The following HS3ST2 variants were observed in gnomAD, a reference collection of about 807,000 sequenced individuals.
The protein encoded by HS3ST2 is heparan sulfate-glucosamine 3-sulfotransferase 2, also known as heparan sulfate glucosamine 3-O-sulfotransferase 2.
In HS3ST2, 17 loss-of-function variants were observed where a neutral mutation model predicts 26.3. The observed-to-expected ratio is 0.65, with a 90% CI of 0.44 to 0.97. HS3ST2 has a LOEUF of 0.97. HS3ST2 is among the 50% of genes least tolerant of loss of function. The pLI is 0.00. For missense variants in HS3ST2, 402 were observed against 501.2 expected (o/e 0.80, Z 1.89); for synonymous variants, 237 against 219.2 (o/e 1.08, Z -0.72).
At chr16:22,821,908 C>T (rs943113146) in intron 1 of HS3ST2, among the ~76,000 whole-genome samples, 1 of 152,184 alleles carries the variant, frequency 6.6e-6, no homozygotes, top group African/African-American at 2.4e-5. Context: ...GCCGGAGCAT[C>T]ACGTGGATTT....
chr16:22,884,013 AG>A, intron 1 of HS3ST2, among the ~76,000 whole-genome samples: 1 of 152,184 alleles, frequency 6.6e-6, no homozygotes, highest in Non-Finnish European at 1.5e-5. Context: ...TGCCCCACTG[AG>A]GATAAAGGCT....
intron 1 of HS3ST2, among the ~76,000 whole-genome samples, chr16:22,835,550 G>T (rs1050505834): frequency 6.6e-6 from 1 of 152,122 alleles, no homozygotes; most frequent in Admixed American, 6.6e-5. Context: ...CCTACTGTCT[G>T]ACTACCCTGT....
intron 1 of HS3ST2, among the ~76,000 whole-genome samples, chr16:22,909,111 C>T (rs1902389952): frequency 6.6e-6 from 1 of 152,140 alleles, no homozygotes; most frequent in Non-Finnish European, 1.5e-5. Flanking sequence ...CTTTATGACA[C>T]CTTTTTAGTC....
chr16:22,910,554 A>G (rs1272318718), intron 1 of HS3ST2, among the ~76,000 whole-genome samples: 1 of 152,240 alleles, frequency 6.6e-6, no homozygotes, highest in East Asian at 1.9e-4. Context: ...AATGCAAACA[A>G]TGTACTCAAT....
At chr16:22,881,738 G>C (rs969346418) in intron 1 of HS3ST2, among the ~76,000 whole-genome samples, 2 of 152,192 alleles carry the variant, frequency 1.3e-5, no homozygotes, top group Non-Finnish European at 2.9e-5. Context: ...AGGCTCGTAG[G>C]TTACTTTAAT....
At chr16:22,911,115 A>G (rs1274575531) in intron 1 of HS3ST2, among the ~76,000 whole-genome samples, 4 of 152,240 alleles carry the variant, frequency 2.6e-5, no homozygotes, top group African/African-American at 7.2e-5. Flanking sequence ...TGAGGGTTCA[A>G]TGGAAGCTAG....
intron 1 of HS3ST2, among the ~76,000 whole-genome samples, chr16:22,914,148 A>G (rs916203932): frequency 6.6e-6 from 1 of 152,082 alleles, no homozygotes; most frequent in African/African-American, 2.4e-5. Flanking sequence ...TCTCTTAAAA[A>G]AAAAAAAAGC....
At chr16:22,906,729 C>G (rs894709326) in intron 1 of HS3ST2, among the ~76,000 whole-genome samples, 3 of 152,196 alleles carry the variant, frequency 2.0e-5, no homozygotes, top group Non-Finnish European at 4.4e-5. Context: ...AATTTCCCTC[C>G]AGTACTAGCT....
Position 22,837,564 on chromosome 16 carries a change from T to C in HS3ST2, c.485+22469T>C, listed in dbSNP as rs922037114. Among the ~76,000 whole-genome samples the C allele has an allele frequency of 2.2e-5, 3 of 136,178 alleles. No individual in the cohort carries two copies. The Admixed American group carries it at 2.3e-4, about 10-fold the overall frequency. 89.3% of individuals were successfully genotyped at this position (136,178 alleles called of 152,430 possible). ...ATATATGTATATATATGTATATATA[T>C]ACATATATATATATACACACACACA... On this transcript the variant is annotated intron_variant, in intron 1 of 1. Transcript: ENST00000261374.
chr16:22,883,261 C>T (rs1221523827), intron 1 of HS3ST2, among the ~76,000 whole-genome samples: 1 of 152,180 alleles, frequency 6.6e-6, no homozygotes, highest in East Asian at 1.9e-4. Flanking sequence ...TATCAGACAA[C>T]TATTGTCCAT....
chr16:22,885,656 G>C (rs190375809), intron 1 of HS3ST2, among the ~76,000 whole-genome samples: 1 of 151,508 alleles, frequency 6.6e-6, no homozygotes, highest in South Asian at 2.1e-4. Flanking sequence ...GGCCTTCACC[G>C]TGTTGGCCAG....
intron 1 of HS3ST2, among the ~76,000 whole-genome samples, chr16:22,861,298 C>T (rs1178272793): frequency 6.6e-6 from 1 of 151,958 alleles, no homozygotes; most frequent in Non-Finnish European, 1.5e-5. Flanking sequence ...CTTGTGGGCC[C>T]ATCTCTCTAC....
intron 1 of HS3ST2, among the ~76,000 whole-genome samples, chr16:22,875,602 C>T (rs977169659): frequency 4.6e-5 from 7 of 152,030 alleles, no homozygotes; most frequent in African/African-American, 4.8e-5. Context: ...AGGATGGTCT[C>T]GATCTCCTGA....
At chr16:22,864,882 C>CAAAA (rs34942780) in intron 1 of HS3ST2, among the ~76,000 whole-genome samples, 10 of 57,150 alleles carry the variant, frequency 1.7e-4, no homozygotes, top group Middle Eastern at 0.012. Flanking sequence ...CCTGTCTCCA[C>CAAAA]AAAAAAAAAA....
rs556578449 is a variant in HS3ST2 at position 22,863,470 on chromosome 16, C to T, written c.485+48375C>T. On this transcript the variant is annotated intron_variant, in intron 1 of 1. Transcript: ENST00000261374. ...ATTTTAGATTCAGGAGGTGCACGTACAGGTTTGTTACCTGGGTATATTGTG... is the reference window on the plus strand; with the variant it reads ...ATTTTAGATTCAGGAGGTGCACGTATAGGTTTGTTACCTGGGTATATTGTG... Among the ~76,000 whole-genome samples, 3 of 152,306 alleles carry T rather than the reference C, an allele frequency of 2.0e-5. No individual in the cohort carries two copies. The South Asian group carries it at 6.2e-4, about 32-fold the overall frequency.
intron 1 of HS3ST2, among the ~76,000 whole-genome samples, chr16:22,837,123 T>TG (rs1398300533): frequency 6.6e-6 from 1 of 151,488 alleles, no homozygotes; most frequent in Non-Finnish European, 1.5e-5. Flanking sequence ...TATACAGTTT[T>TG]TTTTTTTTCC....
At position 22,814,825 on chromosome 16, in the gene HS3ST2, C is replaced by G; in HGVS notation, c.215C>G (p.Pro72Arg). The change falls in exon 1 of 2, where the codon CCC becomes CGC. Residue 72 changes from proline (P) to arginine (R), a missense_variant. Pro to Arg is a moderately radical substitution (Grantham distance 103, BLOSUM62 -2). Coordinates refer to ENST00000261374, the MANE Select transcript of HS3ST2 (RefSeq NM_006043.2). ...CAGAAACTTCTCCAGAAGTCCCGCC[C>G]CTGTGATCCCTCCGGGCCGACGCCC... is the stretch of plus-strand genomic sequence containing the variant. The part of the protein sequence containing the change: ...GGQKLLQKSR[P>R]CDPSGPTPSE... 1 of 1,576,726 alleles carries G rather than the reference C, an allele frequency of 6.3e-7. No homozygotes were observed. The highest frequency in any genetic ancestry group is 8.6e-7 in the Non-Finnish European group (1 of 1,162,182).
rs563209648 is a variant in HS3ST2 at position 22,843,621 on chromosome 16, G to T, written c.485+28526G>T. On this transcript the variant is annotated intron_variant, in intron 1 of 1. Coordinates refer to ENST00000261374, the MANE Select transcript of HS3ST2 (RefSeq NM_006043.2). The stretch of plus-strand genomic sequence containing the variant: ...GATATACACAGGGTGAGGTCTGGAA[G>T]GGTCCCGAGTGGATGAGCTCTGTCT... Among the ~76,000 whole-genome samples the T allele has an allele frequency of 8.6e-4, 131 of 152,342 alleles. 3 individuals are homozygous for T. The Middle Eastern group carries it at 0.034, about 40-fold the overall frequency.
intron 1 of HS3ST2, among the ~76,000 whole-genome samples, chr16:22,912,394 G>A (rs1041471128): frequency 6.6e-6 from 1 of 152,210 alleles, no homozygotes; most frequent in African/African-American, 2.4e-5. Flanking sequence ...CCAGGAAGCA[G>A]AAAGCTAAGA....
Sources: gnomAD v4.1 joint callset for allele counts (sites outside exome capture counted in the v4.1 genomes callset) on GRCh38, gnomAD v4.1.1 for gene constraint, MANE v1.5 for transcripts, NCBI Gene and HGNC (gene_info 2026-07-23, HGNC 2026-07-21) for gene names.